The following GAS2 variants were observed in gnomAD, a reference collection of about 807,000 sequenced individuals.
GAS2 encodes the protein growth arrest-specific protein 2.
A neutral mutation model predicts 37.5 loss-of-function variants in GAS2; 20 were observed. The observed-to-expected ratio is 0.53, with a 90% CI of 0.37 to 0.77. The LOEUF is 0.77. Among genes scored for constraint, GAS2 ranks in the 30% least tolerant of loss-of-function variants. The pLI is 0.00. For synonymous variants in GAS2, 144 were observed against 132.2 expected, an observed-to-expected ratio of 1.09 and a Z score of -0.61; for missense variants, 336 against 373.4, an observed-to-expected ratio of 0.90 and a Z score of 0.82.
chr11:22,685,142 C>G (rs760752226), intron 2 of GAS2, among the ~76,000 whole-genome samples: 1 of 146,502 alleles, frequency 6.8e-6, no homozygotes, highest in Admixed American at 6.7e-5. Context: ...CTCCAGATTG[C>G]GTGACAGAGT....
intron 2 of GAS2, among the ~76,000 whole-genome samples, chr11:22,683,725 CAA>C (rs1590628148): frequency 1.3e-5 from 2 of 150,124 alleles, no homozygotes; most frequent in African/African-American, 4.9e-5. Flanking sequence ...AATGTTTTCT[CAA>C]AGTTTTCTAG....
intron 7 of GAS2, among the ~76,000 whole-genome samples, chr11:22,763,327 T>G (rs1854496827): frequency 6.6e-6 from 1 of 152,156 alleles, no homozygotes; most frequent in Non-Finnish European, 1.5e-5. Flanking sequence ...GCAACTGAAC[T>G]TGGCAATGTC....
At position 22,717,169 on chromosome 11, in the gene GAS2, A is replaced by C. The variant is rs570114947; in HGVS notation, c.268-9123A>C. ...AAAATCCTAAAATTCATATGGGACC[A>C]AAAAAGAGCCTACATAGCCAAAGCA... On this transcript the variant is annotated intron_variant, in intron 3 of 7. Transcript: ENST00000454584. Among the ~76,000 whole-genome samples, 54 of 152,320 alleles carry C rather than the reference A, an allele frequency of 3.5e-4. 1 individual carries two copies. Among genetic ancestry groups the C allele is most frequent in the African/African-American group, 1.3e-3 (52 of 41,574 alleles).
intron 1 of GAS2, among the ~76,000 whole-genome samples, chr11:22,656,845 C>T (rs1848861727): frequency 6.6e-6 from 1 of 152,098 alleles, no homozygotes; most frequent in Non-Finnish European, 1.5e-5. Flanking sequence ...CTTTCATACT[C>T]TATGCTGAAT....
At chr11:22,673,634 G>A (rs993120493) in intron 1 of GAS2, among the ~76,000 whole-genome samples, 11 of 152,076 alleles carry the variant, frequency 7.2e-5, no homozygotes, top group African/African-American at 2.7e-4. Context: ...GTCCGGGCAT[G>A]GTGGCTCAAC....
intron 7 of GAS2, among the ~76,000 whole-genome samples, chr11:22,761,436 G>A (rs1485500414): frequency 6.6e-6 from 1 of 152,116 alleles, no homozygotes; most frequent in African/African-American, 2.4e-5. Context: ...AGCCAGTGGG[G>A]TCACATGTTG....
chr11:22,748,032 G>A (rs1429891425), intron 5 of GAS2, among the ~76,000 whole-genome samples: 3 of 151,784 alleles, frequency 2.0e-5, no homozygotes, highest in African/African-American at 7.3e-5. Context: ...TCAATAAGAA[G>A]TACTAAAACA....
intron 7 of GAS2, among the ~76,000 whole-genome samples, chr11:22,802,079 T>G (rs1856687294): frequency 6.6e-6 from 1 of 152,004 alleles, no homozygotes; most frequent in Admixed American, 6.6e-5. Flanking sequence ...ATGTGTATCA[T>G]TAATAGAAAC....
intron 3 of GAS2, among the ~76,000 whole-genome samples, chr11:22,711,151 A>G (rs184559975): frequency 7.2e-5 from 11 of 152,180 alleles, no homozygotes; most frequent in Non-Finnish European, 1.6e-4. Flanking sequence ...ATGAGTTCCC[A>G]AAGTGTGAGG....
intron 7 of GAS2, among the ~76,000 whole-genome samples, chr11:22,776,936 C>A (rs1000535736): frequency 6.6e-6 from 1 of 152,110 alleles, no homozygotes; most frequent in African/African-American, 2.4e-5. Context: ...TGGCATTCTT[C>A]TGTAGCTGGC....
intron 2 of GAS2, among the ~76,000 whole-genome samples, chr11:22,679,019 T>G (rs1849558383): frequency 1.3e-5 from 2 of 152,218 alleles, no homozygotes; most frequent in Admixed American, 6.5e-5. Context: ...GTTAACTAGT[T>G]AAAATGAATA....
At chr11:22,792,381 A>C (rs897020017) in intron 7 of GAS2, among the ~76,000 whole-genome samples, 2 of 152,366 alleles carry the variant, frequency 1.3e-5, no homozygotes, top group Admixed American at 1.3e-4. Flanking sequence ...GTGCACACAC[A>C]TATGAAAGAC....
chr11:22,685,162 TAGAG>T (rs149830117), intron 2 of GAS2, among the ~76,000 whole-genome samples: 2 of 149,418 alleles, frequency 1.3e-5, no homozygotes, highest in African/African-American at 2.5e-5. Flanking sequence ...TACAATCCTG[TAGAG>T]AGAGAGAGAG....
chr11:22,757,023 TC>T (rs956530289), intron 7 of GAS2, among the ~76,000 whole-genome samples: 38 of 152,256 alleles, frequency 2.5e-4, no homozygotes, highest in African/African-American at 8.7e-4. Context: ...GGTTGACCTT[TC>T]TCAATTGATA....
chr11:22,662,282 G>A (rs1279909096), upstream of GAS2, among the ~76,000 whole-genome samples: 1 of 152,188 alleles, frequency 6.6e-6, no homozygotes, highest in Admixed American at 6.5e-5. Flanking sequence ...CATTTTACCA[G>A]ATGAAATGCT....
rs555317092 is a variant in GAS2 at position 22,786,763 on chromosome 11, A to C, written c.724-25035A>C. ...GGACATTGTCAGTGTTGGTGAGTGCAAACTTGTATCTCCTTCAGTGCTAAA... is the reference window on the plus strand; with the variant it reads ...GGACATTGTCAGTGTTGGTGAGTGCCAACTTGTATCTCCTTCAGTGCTAAA... On this transcript the variant is annotated intron_variant, in intron 7 of 7. Transcript: ENST00000454584. Among the ~76,000 whole-genome samples the C allele has an allele frequency of 2.0e-5, 3 of 152,284 alleles. No individual in the cohort carries two copies. The South Asian group carries it at 6.2e-4, about 32-fold the overall frequency.
At chr11:22,710,030 G>C in intron 3 of GAS2, among the ~76,000 whole-genome samples, 1 of 132,876 alleles carries the variant, frequency 7.5e-6, no homozygotes, top group African/African-American at 2.7e-5. Flanking sequence ...GGGGAGGGGG[G>C]AGGGATAGCA....
chr11:22,691,081 G>C (rs1423543152), intron 3 of GAS2, among the ~76,000 whole-genome samples: 1 of 152,090 alleles, frequency 6.6e-6, no homozygotes, highest in Non-Finnish European at 1.5e-5. Context: ...AAAGAGCCCT[G>C]GGTGGTTAGA....
At chr11:22,685,920 G>T in intron 3 of GAS2, 131 bp downstream of exon 3, 1 of 753,138 alleles carries the variant, frequency 1.3e-6, no homozygotes, top group Non-Finnish European at 1.9e-6. Flanking sequence ...AAAGTACAGA[G>T]AGTTCTTTTT....
Sources: gnomAD v4.1 joint callset for allele counts (sites outside exome capture counted in the v4.1 genomes callset) on GRCh38, gnomAD v4.1.1 for gene constraint, MANE v1.5 for transcripts, NCBI Gene and HGNC (gene_info 2026-07-23, HGNC 2026-07-21) for gene names.